The following PTPRZ1 variants were observed in gnomAD, a reference collection of about 807,000 sequenced individuals.
The protein encoded by PTPRZ1 is receptor-type tyrosine-protein phosphatase zeta.
PTPRZ1 carries 82 observed loss-of-function variants against 214.1 expected under a neutral mutation model. The ratio of observed to expected loss-of-function variants is 0.38; its 90% confidence interval spans 0.32 to 0.46. The LOEUF (loss-of-function observed/expected upper bound fraction) is 0.46. Among genes scored for constraint, PTPRZ1 ranks in the 20% least tolerant of loss-of-function variants. The pLI is 1.00. For synonymous variants in PTPRZ1, 945 were observed against 987.9 expected (o/e 0.96, Z 0.81); for missense variants, 2,603 against 2,748.7 (o/e 0.95, Z 1.19).
At chr7:122,042,410 G>A (rs1274597009) in intron 21 of PTPRZ1, among the ~76,000 whole-genome samples, 198 bp from the exon 22 acceptor site, 1 of 152,108 alleles carries the variant, frequency 6.6e-6, no homozygotes, top group Non-Finnish European at 1.5e-5. Flanking sequence ...ATTAGAAAGG[G>A]TACTTCTAAA....
chr7:122,033,875 TTA>T lies in PTPRZ1; in HGVS notation c.5167-218_5167-217del, dbSNP rs557935668. On this transcript the variant is annotated intron_variant, in intron 15 of 29. Transcript: ENST00000393386. Reference sequence around the variant, plus strand: ...ACATCACTATCTCCTTTTAAAAGTGTTATGTTTTCTTTTACATAATTTTAAAG... The same window carrying T: ...ACATCACTATCTCCTTTTAAAAGTGTTGTTTTCTTTTACATAATTTTAAAG... 1.3e-3 allele frequency: 719 copies of T among 534,318 alleles called. 3 individuals are homozygous for T. The highest frequency in any genetic ancestry group is 2.0e-3 in the Non-Finnish European group (615 of 305,932). The allele number at this position is 534,318 out of a possible 1,614,324, so 33.1% of individuals were successfully genotyped here.
rs3837123 is a variant in PTPRZ1 at position 121,934,969 on chromosome 7, C to CCA, written c.124+6759_124+6760dup. ...TAAGAGTAGATTTTAGGTGTTCTCA[C>CCA]CACACACACACAAAACAGATAAGGA... On this transcript the variant is annotated intron_variant, in intron 2 of 29. Transcript: ENST00000393386. Among the ~76,000 whole-genome samples, 250 of 152,028 alleles carry CCA rather than the reference C, an allele frequency of 1.6e-3. 1 individual carries two copies. Among genetic ancestry groups the CCA allele is most frequent in the Non-Finnish European group, 3.0e-3 (206 of 67,974 alleles).
Position 121,954,747 on chromosome 7 carries a change from T to C in PTPRZ1, c.125-13204T>C, listed in dbSNP as rs964888212. On this transcript the variant is annotated intron_variant, in intron 2 of 29. Coordinates refer to ENST00000393386, the MANE Select transcript of PTPRZ1 (RefSeq NM_002851.3). ...CACTAGACACATCATAAATATTTGA[T>C]AAATTAGTAAACAAATGAACAAATA... Among the ~76,000 whole-genome samples, 4 of 152,218 alleles carry C rather than the reference T, an allele frequency of 2.6e-5. No homozygotes were observed. The East Asian group carries it at 7.7e-4, about 29-fold the overall frequency.
At chr7:121,989,804 T>A (rs775746403) in intron 8 of PTPRZ1, among the ~76,000 whole-genome samples, 3 of 152,200 alleles carry the variant, frequency 2.0e-5, no homozygotes, top group Admixed American at 6.5e-5. Flanking sequence ...CATGAAATTA[T>A]AAAGCGTAGA....
intron 4 of PTPRZ1, 26 bp from the exon 5 acceptor site, chr7:121,976,147 T>C: frequency 1.3e-6 from 2 of 1,506,958 alleles, no homozygotes; most frequent in South Asian, 1.1e-5. Context: ...TTGTGTATCA[T>C]AAAACTATCA....
chr7:121,953,320 G>A (rs1796613650), intron 2 of PTPRZ1, among the ~76,000 whole-genome samples: 1 of 152,262 alleles, frequency 6.6e-6, no homozygotes, highest in South Asian at 2.1e-4. Flanking sequence ...AATGATATCT[G>A]TATGAGTGTC....
chr7:122,003,063 T>C (rs192788815), intron 10 of PTPRZ1, among the ~76,000 whole-genome samples: 2 of 152,208 alleles, frequency 1.3e-5, no homozygotes, highest in Admixed American at 1.3e-4. Flanking sequence ...AATTCAAATG[T>C]ATTAATTTGC....
chr7:121,987,858 GT>G (rs1176295173), intron 8 of PTPRZ1, among the ~76,000 whole-genome samples: 1 of 152,108 alleles, frequency 6.6e-6, no homozygotes, highest in Non-Finnish European at 1.5e-5. Flanking sequence ...ATGAAATCAT[GT>G]TTTTTTGCAG....
chr7:122,059,489 G>A (rs998121623), intron 28 of PTPRZ1: 1 of 292,966 alleles, frequency 3.4e-6, no homozygotes, highest in Non-Finnish European at 6.3e-6. Flanking sequence ...TTTTATTATT[G>A]CCAACTCCTT....
At chr7:121,877,950 G>GTA (rs199900822) in intron 1 of PTPRZ1, among the ~76,000 whole-genome samples, 62 of 149,022 alleles carry the variant, frequency 4.2e-4, no homozygotes, top group East Asian at 1.2e-3. Flanking sequence ...ACATAAAAGT[G>GTA]TATATATATA....
chr7:121,919,678 CAAAT>C (rs561641799), intron 1 of PTPRZ1, among the ~76,000 whole-genome samples: 9 of 151,908 alleles, frequency 5.9e-5, no homozygotes, highest in Non-Finnish European at 8.8e-5. Flanking sequence ...ATTTTTTTCA[CAAAT>C]AGTGTTCCCA....
intron 1 of PTPRZ1, among the ~76,000 whole-genome samples, chr7:121,877,934 G>A (rs1248659670): frequency 1.3e-5 from 2 of 150,260 alleles, no homozygotes; most frequent in East Asian, 3.9e-4. Flanking sequence ...GTATATATAT[G>A]CATATACATA....
intron 23 of PTPRZ1, among the ~76,000 whole-genome samples, chr7:122,050,224 C>T (rs899339809): frequency 1.3e-5 from 2 of 151,826 alleles, no homozygotes; most frequent in African/African-American, 4.8e-5. Context: ...AGGGGGATTG[C>T]TTGAGCCCAG....
At chr7:122,035,933 T>C (rs1391036989) in intron 17 of PTPRZ1, among the ~76,000 whole-genome samples, 1 of 152,222 alleles carries the variant, frequency 6.6e-6, no homozygotes, top group African/African-American at 2.4e-5. Flanking sequence ...TTACCATAGT[T>C]ATACCTTATA....
At chr7:121,944,987 GT>G (rs1796331959) in intron 2 of PTPRZ1, among the ~76,000 whole-genome samples, 1 of 152,114 alleles carries the variant, frequency 6.6e-6, no homozygotes, top group Non-Finnish European at 1.5e-5. Context: ...TTGAAATTTA[GT>G]CTGTAACCCT....
chr7:121,940,047 A>G (rs1280200404), intron 2 of PTPRZ1, among the ~76,000 whole-genome samples: 1 of 152,200 alleles, frequency 6.6e-6, no homozygotes, highest in Non-Finnish European at 1.5e-5. Context: ...CCTCTACCGC[A>G]TTCTTCCTGC....
chr7:121,928,247 A>T, intron 2 of PTPRZ1, 26 bp downstream of exon 2: 2 of 1,517,516 alleles, frequency 1.3e-6, no homozygotes, highest in Non-Finnish European at 1.8e-6. Flanking sequence ...ATATAATGAG[A>T]TTTAGCAGAA....
At position 122,053,978 on chromosome 7, in the gene PTPRZ1, G is replaced by C. The variant is rs1382141695; in HGVS notation, c.6321G>C (p.Trp2107Cys). 3.1e-6 allele frequency: 5 copies of C among 1,613,184 alleles called. No individual in the cohort carries two copies. In the African/African-American group the frequency reaches 4.0e-5, roughly 13 times the overall value. Residue 2107 changes from tryptophan (W) to cysteine (C), a missense_variant, in exon 26 of 30, where the codon TGG becomes TGC. By Grantham distance (215) the Trp-to-Cys change is radical. Around this residue, in one of 6 missense-constraint regions of PTPRZ1, gnomAD observed 134 missense variants for 183.3 expected, o/e 0.73. Coordinates refer to ENST00000393386, the MANE Select transcript of PTPRZ1 (RefSeq NM_002851.3). ...HPLLHTIKDF[W>C]RMIWDHNAQL... ...TCCTTCATACCATCAAGGATTTCTG[G>C]AGGATGATATGGGACCATAATGCCC...
chr7:122,038,857 G>C lies in PTPRZ1; in HGVS notation c.5470G>C (p.Val1824Leu). The C allele has an allele frequency of 6.2e-7, 1 of 1,613,856 alleles. No homozygotes were observed. The highest frequency in any genetic ancestry group is 1.3e-5 in the African/African-American group (1 of 75,032). ...MIWEHNVEVIVMITNLVEKGR... is the reference protein window; with the variant it reads ...MIWEHNVEVILMITNLVEKGR... ...ATGGGAACATAATGTGGAAGTTATT[G>C]TCATGATAACAAACCTCGTGGAGAA... The change falls in exon 19 of 30, where the codon GTC becomes CTC. Residue 1824 changes from valine (V) to leucine (L), a missense_variant. Val to Leu is a conservative substitution (Grantham distance 32). Transcript: ENST00000393386.
Sources: allele counts gnomAD v4.1 joint callset (sites outside exome capture counted in the v4.1 genomes callset), GRCh38; gene constraint gnomAD v4.1.1; regional missense constraint gnomAD v4.1.1; transcripts MANE v1.5; gene names NCBI Gene and HGNC (gene_info 2026-07-23, HGNC 2026-07-21).